Variants in HACE1 observed in about 807,000 individuals in gnomAD.
HACE1 encodes the protein E3 ubiquitin-protein ligase HACE1.
In HACE1, 73 loss-of-function variants were observed where a neutral mutation model predicts 118.4. The ratio of observed to expected loss-of-function variants is 0.62; its 90% CI spans 0.51 to 0.75. The LOEUF is 0.75. HACE1 is among the 30% of genes least tolerant of loss of function. HACE1 has a pLI of 0.00. For synonymous variants in HACE1, 368 were observed against 374.8 expected (o/e 0.98, Z 0.21); for missense variants, 749 against 1,102.2 (o/e 0.68, Z 4.54).
intron 19 of HACE1, among the ~76,000 whole-genome samples, chr6:104,752,481 T>C (rs1778166176): frequency 6.6e-6 from 1 of 151,858 alleles, no homozygotes; most frequent in Non-Finnish European, 1.5e-5. Flanking sequence ...TAATTATATA[T>C]TATATTTTTT....
intron 1 of HACE1, 143 bp downstream of exon 1, chr6:104,859,424 C>A: frequency 1.5e-6 from 1 of 672,534 alleles, no homozygotes; most frequent in Non-Finnish European, 2.4e-6. Context: ...GGGCCCGGGG[C>A]CGCCTCTCAG....
chr6:104,747,820 T>C (rs1777594025), intron 20 of HACE1, among the ~76,000 whole-genome samples: 1 of 152,126 alleles, frequency 6.6e-6, no homozygotes, highest in South Asian at 2.1e-4. Context: ...TAATTATTAT[T>C]ATCACTGTAT....
At chr6:104,792,095 A>G (rs977906657) in intron 10 of HACE1, among the ~76,000 whole-genome samples, 18 of 152,326 alleles carry the variant, frequency 1.2e-4, no homozygotes, top group South Asian at 2.1e-4. Context: ...AAGCTAAACT[A>G]AACTCTGCCA....
chr6:104,785,126 G>A lies in HACE1; in HGVS notation c.1268C>T (p.Thr423Ile), dbSNP rs780333703. The A allele has an allele frequency of 6.2e-7, 1 of 1,613,882 alleles. No individual in the cohort carries two copies. Among genetic ancestry groups the A allele is most frequent in the East Asian group, 2.2e-5 (1 of 44,864 alleles). ...AAGAGCATCTGGTTTAGATTCCCTTGTGCCAGTGGACAGATTTTCATAGCT... is the reference window on the plus strand; with the variant it reads ...AAGAGCATCTGGTTTAGATTCCCTTATGCCAGTGGACAGATTTTCATAGCT... ...PGSYENLSTG[T>I]RESKPDALAG... Residue 423 changes from threonine to isoleucine, a missense_variant, in exon 12 of 24, where the codon ACA (threonine) becomes ATA (isoleucine). This residue lies in a region of HACE1 where 267 missense variants were observed against 312.2 expected (regional missense o/e 0.86). Transcript: ENST00000262903.
chr6:104,825,883 A>G (rs538786605), intron 6 of HACE1, among the ~76,000 whole-genome samples: 1 of 152,312 alleles, frequency 6.6e-6, no homozygotes, highest in East Asian at 1.9e-4. Context: ...AGTTTCTTCC[A>G]TCTTTCAACA....
intron 20 of HACE1, among the ~76,000 whole-genome samples, chr6:104,747,207 A>C (rs1777526030): frequency 6.6e-6 from 1 of 152,204 alleles, no homozygotes; most frequent in Non-Finnish European, 1.5e-5. Flanking sequence ...TAATAGTTAG[A>C]AACTGAATCA....
Position 104,784,186 on chromosome 6 carries a change from T to C in HACE1, c.1479-13A>G, listed in dbSNP as rs760205926. 1.0e-5 allele frequency: 15 copies of C among 1,441,502 alleles called. No individual in the cohort carries two copies. The highest frequency in any genetic ancestry group is 1.4e-5 in the Non-Finnish European group (14 of 1,022,586). 89.3% of individuals were successfully genotyped at this position (1,441,502 alleles called of 1,614,324 possible). A position where few individuals can be genotyped will look rare whatever the true frequency, so the allele number is the denominator to read the frequency against. Reference sequence around the variant, plus strand: ...AATTTTGGGATTTCTAAAAGAAAAATATTTTGTTTAAATGGACAGGAAGAA... The same window carrying C: ...AATTTTGGGATTTCTAAAAGAAAAACATTTTGTTTAAATGGACAGGAAGAA... On this transcript the variant is annotated splice_polypyrimidine_tract_variant and intron_variant, in intron 13 of 23. Coordinates refer to ENST00000262903, the MANE Select transcript of HACE1 (RefSeq NM_020771.4).
chr6:104,822,203 T>TAAAAAAAAAAA (rs58454908), intron 6 of HACE1, among the ~76,000 whole-genome samples: 7 of 102,970 alleles, frequency 6.8e-5, no homozygotes, highest in Admixed American at 1.1e-4. Flanking sequence ...CCGTCTCTAC[T>TAAAAAAAAAAA]AAAAAAAAAA....
chr6:104,798,781 AT>A, intron 7 of HACE1, among the ~76,000 whole-genome samples: 1 of 152,224 alleles, frequency 6.6e-6, no homozygotes, highest in East Asian at 1.9e-4. Flanking sequence ...CTTGAGCTTA[AT>A]TTATTTAGGG....
chr6:104,765,999 T>G (rs1231796098), intron 19 of HACE1, among the ~76,000 whole-genome samples: 1 of 152,212 alleles, frequency 6.6e-6, no homozygotes, highest in Non-Finnish European at 1.5e-5. Flanking sequence ...TAAAGACAAA[T>G]GCTCCCTCTT....
At chr6:104,742,197 C>A (rs1776815394) in intron 22 of HACE1, among the ~76,000 whole-genome samples, 1 of 131,598 alleles carries the variant, frequency 7.6e-6, no homozygotes, top group East Asian at 2.1e-4. Flanking sequence ...AGACCTAAAA[C>A]CATAAAAACA....
At chr6:104,754,850 C>CAGTG (rs1778427856) in intron 19 of HACE1, among the ~76,000 whole-genome samples, 2 of 152,160 alleles carry the variant, frequency 1.3e-5, no homozygotes, top group Admixed American at 1.3e-4. Flanking sequence ...GTACACTGAC[C>CAGTG]AGTGACACTA....
At chr6:104,854,535 C>T (rs1776536119) in intron 1 of HACE1, among the ~76,000 whole-genome samples, 1 of 151,580 alleles carries the variant, frequency 6.6e-6, no homozygotes. Context: ...GAGGAACTGT[C>T]ATACATTAAG....
At chr6:104,743,219 G>A (rs982498941) in intron 22 of HACE1, among the ~76,000 whole-genome samples, 5 of 150,026 alleles carry the variant, frequency 3.3e-5, no homozygotes, top group Non-Finnish European at 7.4e-5. Flanking sequence ...GCTAGATGAC[G>A]AGTTAGTGGG....
intron 22 of HACE1, among the ~76,000 whole-genome samples, chr6:104,734,044 C>T (rs1233115769): frequency 2.1e-5 from 3 of 145,290 alleles, no homozygotes; most frequent in Admixed American, 7.2e-5. Context: ...CCCAGCGACT[C>T]GGGAGGGCTT....
intron 14 of HACE1, chr6:104,782,534 C>T (rs1781852368): frequency 6.6e-6 from 1 of 152,044 alleles, no homozygotes; most frequent in Admixed American, 6.6e-5. Context: ...GAGAACCAGA[C>T]AGACTTTTAA....
chr6:104,852,918 A>C (rs1236423799), intron 1 of HACE1, among the ~76,000 whole-genome samples: 1 of 152,186 alleles, frequency 6.6e-6, no homozygotes, highest in Non-Finnish European at 1.5e-5. Context: ...ATTAGTTTAG[A>C]AGCTTTTATG....
At chr6:104,829,344 T>C (rs576940340) in intron 6 of HACE1, among the ~76,000 whole-genome samples, 25 of 152,158 alleles carry the variant, frequency 1.6e-4, no homozygotes, top group Admixed American at 7.2e-4. Context: ...CAACTCAAGA[T>C]AAAACAATAC....
At chr6:104,856,952 A>C (rs2114394662) in intron 1 of HACE1, among the ~76,000 whole-genome samples, 1 of 152,234 alleles carries the variant, frequency 6.6e-6, no homozygotes, top group South Asian at 2.1e-4. Flanking sequence ...CTTTGCAACA[A>C]AATTAATTTT....
Sources: allele counts gnomAD v4.1 joint callset (sites outside exome capture counted in the v4.1 genomes callset), GRCh38; gene constraint gnomAD v4.1.1; regional missense constraint gnomAD v4.1.1; transcripts MANE v1.5; gene names NCBI Gene and HGNC (gene_info 2026-07-23, HGNC 2026-07-21).